The following KCNMB3 variants were observed in gnomAD, a reference collection of about 807,000 sequenced individuals.
KCNMB3 encodes the protein calcium-activated potassium channel subunit beta-3.
Under a neutral mutation model 11.9 loss-of-function variants are expected in KCNMB3, and 18 were observed. The observed-to-expected ratio is 1.51, with a 90% CI of 1.04 to 2.23. KCNMB3 has a LOEUF of 2.23. KCNMB3 is among the 30% of genes most tolerant of loss of function. The probability of loss-of-function intolerance (pLI) is 0.00; values close to 1 mark genes in which losing one functional copy is unlikely to be tolerated. For synonymous variants in KCNMB3, 78 were observed against 119.2 expected, an observed-to-expected ratio of 0.65 and a Z score of 2.25; for missense variants, 247 against 329.4, an observed-to-expected ratio of 0.75 and a Z score of 1.94.
chr3:179,261,352 G>C, intron 1 of KCNMB3: 1 of 1,157,102 alleles, frequency 8.6e-7, no homozygotes, highest in Non-Finnish European at 1.1e-6. Context: ...GGCCGGGCCA[G>C]GGGGCGCGCG....
At chr3:179,259,748 C>T in intron 1 of KCNMB3, 1 of 1,598,814 alleles carries the variant, frequency 6.3e-7, no homozygotes, top group Non-Finnish European at 8.5e-7. Context: ...TTCTCTTCTG[C>T]AATGAGTCCA....
intron 1 of KCNMB3, among the ~76,000 whole-genome samples, chr3:179,263,574 T>C (rs1218770010): frequency 6.6e-6 from 1 of 152,180 alleles, no homozygotes; most frequent in Non-Finnish European, 1.5e-5. Context: ...CCACAAAGAA[T>C]TCCTCAACAA....
At position 179,250,846 on chromosome 3, in the gene KCNMB3, C is replaced by T. The variant is rs7645550; in HGVS notation, c.145G>A (p.Ala49Thr). The T allele has an allele frequency of 0.38, 606,967 of 1,613,814 alleles. 116,715 individuals carry two copies. Among genetic ancestry groups the T allele is most frequent in the Non-Finnish European group, 0.4 (470,089 of 1,179,864 alleles). The change falls in exon 1 of 3, where the codon GCT (alanine) becomes ACT (threonine). Residue 49 changes from alanine to threonine, a missense_variant. Ala to Thr is a moderately conservative substitution (Grantham distance 58, BLOSUM62 0). Transcript: ENST00000392685. Reference sequence around the variant, plus strand: ...AGCATCACGGCTCGGTCCTCTCCAGCACTGGATGGCAGCCTCTTGTGCACA... The same window carrying T: ...AGCATCACGGCTCGGTCCTCTCCAGTACTGGATGGCAGCCTCTTGTGCACA... The part of the protein sequence containing the change: ...LDVHKRLPSS[A>T]GEDRAVMLGF...
At position 179,248,316 on chromosome 3, in the gene KCNMB3, A is replaced by T. The variant is rs192506557; in HGVS notation, c.248+2427T>A. On this transcript the variant is annotated intron_variant, in intron 1 of 2. Transcript: ENST00000392685. ...ATATAGTATGTATTGAGCATACAGC[A>T]TATACTTAATAAGTAGCAACTAAAG... 4.8e-3 allele frequency among the ~76,000 whole-genome samples: 733 copies of T among 152,340 alleles called. 5 individuals carry two copies. Among genetic ancestry groups the T allele is most frequent in the Non-Finnish European group, 6.8e-3 (465 of 68,040 alleles).
intron 1 of KCNMB3, among the ~76,000 whole-genome samples, chr3:179,264,149 A>C (rs991541223): frequency 6.6e-6 from 1 of 151,844 alleles, no homozygotes; most frequent in Non-Finnish European, 1.5e-5. Context: ...ATATGATTTG[A>C]GATTTTTTTG....
intron 1 of KCNMB3, among the ~76,000 whole-genome samples, chr3:179,246,298 G>A (rs759297405): frequency 6.6e-6 from 1 of 152,080 alleles, no homozygotes; most frequent in Non-Finnish European, 1.5e-5. Flanking sequence ...TGTAATCCCA[G>A]CTATATAGGA....
chr3:179,247,762 T>C (rs60976095), intron 1 of KCNMB3, among the ~76,000 whole-genome samples: 12,158 of 152,176 alleles, frequency 0.08, 586 homozygotes, highest in South Asian at 0.15. Context: ...CTGTGTGCTA[T>C]AGTAAATGGT....
chr3:179,249,713 T>A (rs758779347), intron 1 of KCNMB3, among the ~76,000 whole-genome samples: 1 of 152,056 alleles, frequency 6.6e-6, no homozygotes, highest in Non-Finnish European at 1.5e-5. Context: ...AAGAACAAGA[T>A]CATGTCATTT....
chr3:179,261,001 G>T, intron 1 of KCNMB3: 1 of 972,396 alleles, frequency 1.0e-6, no homozygotes, highest in Non-Finnish European at 1.7e-6. Flanking sequence ...TGGATATAGA[G>T]GTGTCTCCGC....
intron 1 of KCNMB3, 75 bp downstream of exon 1, chr3:179,250,668 G>T (rs1725804698): frequency 6.9e-7 from 1 of 1,454,598 alleles, no homozygotes; most frequent in South Asian, 1.2e-5. Context: ...ACCAAAGCCA[G>T]CCTCTCCTCC....
chr3:179,259,913 A>G lies in KCNMB3; in HGVS notation c.62+6736T>C. The G allele has an allele frequency of 3.1e-6, 5 of 1,613,344 alleles. No individual in the cohort carries two copies. The Admixed American group carries it at 6.7e-5, about 22-fold the overall frequency. ...GAACTTCTGTCTTGATTGGTTTCTCATCCCTTAATCCTTTTTCTTCACCCT... is the reference window on the plus strand; with the variant it reads ...GAACTTCTGTCTTGATTGGTTTCTCGTCCCTTAATCCTTTTTCTTCACCCT... On this transcript the variant is annotated intron_variant, in intron 1 of 3. Coordinates refer to the KCNMB3 transcript ENST00000349697.
rs141576872 is a variant in KCNMB3, at chr3:179,262,829, G to A, written c.62+3820C>T. On this transcript the variant is annotated intron_variant, in intron 1 of 3. Coordinates refer to the KCNMB3 transcript ENST00000349697. ...CACCAGAGTAGCTAGATACAGTGTC[G>A]ATTGGTGCATTCACAAACCCTGAGC... 3.3e-3 allele frequency among the ~76,000 whole-genome samples: 504 copies of A among 152,276 alleles called. 3 individuals are homozygous for A. The highest frequency in any genetic ancestry group is 0.012 in the African/African-American group (482 of 41,558).
rs1044258328 is a variant in KCNMB3, at chr3:179,258,871, G to A, written c.62+7778C>T. The A allele has an allele frequency of 5.1e-6, 8 of 1,567,600 alleles. No homozygotes were observed. The African/African-American group carries it at 8.1e-5, about 16-fold the overall frequency. ...ATTACATGGAAATCTACAAGTAACAGTCTATAACTTAAAGCAGTAGATCAC... is the reference window on the plus strand; with the variant it reads ...ATTACATGGAAATCTACAAGTAACAATCTATAACTTAAAGCAGTAGATCAC... On this transcript the variant is annotated intron_variant, in intron 1 of 3. Coordinates refer to the KCNMB3 transcript ENST00000349697.
chr3:179,259,555 T>C, intron 1 of KCNMB3: 1 of 1,610,282 alleles, frequency 6.2e-7, no homozygotes, highest in Non-Finnish European at 8.5e-7. Context: ...ATTTTCTGTT[T>C]TGGATTTTCA....
intron 1 of KCNMB3, among the ~76,000 whole-genome samples, chr3:179,258,466 A>C (rs915218890): frequency 6.6e-6 from 1 of 152,222 alleles, no homozygotes; most frequent in Non-Finnish European, 1.5e-5. Flanking sequence ...TATTGTTCTA[A>C]GGTGCAAATC....
upstream of KCNMB3, among the ~76,000 whole-genome samples, chr3:179,252,941 A>G (rs1178137519): frequency 6.6e-6 from 1 of 152,130 alleles, no homozygotes; most frequent in African/African-American, 2.4e-5. Flanking sequence ...TGTGTTAGCC[A>G]GAATGGTCTC....
In KCNMB3 at chr3:179,244,522, A is replaced by C; in HGVS notation, c.420T>G (p.Asn140Lys). Residue 140 changes from asparagine to lysine, a missense_variant, in exon 2 of 3, where the codon AAT becomes AAG. This residue lies in a region of KCNMB3 where 87 missense variants were observed against 171.9 expected (regional missense o/e 0.51). Coordinates refer to ENST00000392685, the MANE Select transcript of KCNMB3 (RefSeq NM_171830.2). ...TGGGATTTATCTGGACAGCCTCTTCATTATAATGTAGGAGAGCTTTCTGAC... is the reference window on the plus strand; with the variant it reads ...TGGGATTTATCTGGACAGCCTCTTCCTTATAATGTAGGAGAGCTTTCTGAC... The part of the protein sequence containing the change: ...HPGQKALLHY[N>K]EEAVQINPKC... 1 of 1,614,190 alleles carries C rather than the reference A, an allele frequency of 6.2e-7. No individual in the cohort carries two copies. Among genetic ancestry groups the C allele is most frequent in the East Asian group, 2.2e-5 (1 of 44,882 alleles).
chr3:179,257,051 C>T (rs12631127), intron 1 of KCNMB3, among the ~76,000 whole-genome samples: 71,371 of 151,974 alleles, frequency 0.47, 18,619 homozygotes, highest in East Asian at 0.87. Context: ...ATAGTCCTAG[C>T]TACTCAGGAG....
At position 179,244,595 on chromosome 3, in the gene KCNMB3, T is replaced by TG. The variant is rs1473250353; in HGVS notation, c.346dup (p.Gln116ProfsTer25). ...CACCTGAAGACACGGGTACTTCCCCTGACCGTGGCAGTGCACACCACAGGT... is the reference window on the plus strand; with the variant it reads ...CACCTGAAGACACGGGTACTTCCCCTGGACCGTGGCAGTGCACACCACAGGT... On this transcript the variant is annotated frameshift_variant, in exon 2 of 3. Transcript: ENST00000392685. LOFTEE classifies it high-confidence loss of function. 6.2e-7 allele frequency: 1 copy of TG among 1,614,186 alleles called. No homozygotes were observed. The highest frequency in any genetic ancestry group is 1.1e-5 in the South Asian group (1 of 91,074).
Sources: gnomAD v4.1 joint callset for allele counts (sites outside exome capture counted in the v4.1 genomes callset) on GRCh38, gnomAD v4.1.1 for gene constraint, gnomAD v4.1.1 regional missense constraint, MANE v1.5 for transcripts, NCBI Gene and HGNC (gene_info 2026-07-23, HGNC 2026-07-21) for gene names.